Variants in CDK13 observed in about 807,000 individuals in gnomAD.
The protein encoded by CDK13 is cyclin dependent kinase 13.
In CDK13, 40 loss-of-function variants were observed where a neutral mutation model predicts 137.6. That is an observed-to-expected ratio of 0.29 (90% CI 0.23 to 0.38). CDK13 has a LOEUF of 0.38. Among genes scored for constraint, CDK13 ranks in the 10% least tolerant of loss-of-function variants. CDK13 has a pLI of 1.00. For synonymous variants in CDK13, 869 were observed against 760.1 expected, an observed-to-expected ratio of 1.14 and a Z score of -2.36; for missense variants, 1,704 against 1,951.8, an observed-to-expected ratio of 0.87 and a Z score of 2.39.
chr7:39,974,605 C>T (rs1232481687), intron 1 of CDK13, among the ~76,000 whole-genome samples: 4 of 151,468 alleles, frequency 2.6e-5, no homozygotes, highest in African/African-American at 4.8e-5. Context: ...CGCTGTGTCA[C>T]CCAGGCTGGA....
rs756393604 is a variant in CDK13 at position 40,088,109 on chromosome 7, T to A, written c.3030-17T>A. ...TAAGAAATGCCATTTACAATTTAAT[T>A]CCTTTTTTTTTTTCAGTCTCCCTTT... is the stretch of plus-strand genomic sequence containing the variant. On this transcript the variant is annotated splice_polypyrimidine_tract_variant and intron_variant, in intron 11 of 13. Transcript: ENST00000181839. The A allele has an allele frequency of 1.3e-6, 2 of 1,593,866 alleles. No homozygotes were observed. The highest frequency in any genetic ancestry group is 2.7e-5 in the African/African-American group (2 of 72,746).
chr7:40,046,113 G>C (rs1385479979), intron 6 of CDK13, 88 bp downstream of exon 6: 2 of 831,750 alleles, frequency 2.4e-6, no homozygotes, highest in Non-Finnish European at 3.8e-6. Flanking sequence ...GTAGCGGCGG[G>C]GAATGTCGGG....
Position 40,094,435 on chromosome 7 carries a change from A to G in CDK13, c.3994A>G (p.Thr1332Ala), listed in dbSNP as rs757365895. The G allele has an allele frequency of 8.7e-6, 14 of 1,613,936 alleles. No homozygotes were observed. Among genetic ancestry groups the G allele is most frequent in the Non-Finnish European group, 1.2e-5 (14 of 1,180,024 alleles). The change falls in exon 14 of 14, where the codon ACT (threonine) becomes GCT (alanine). Residue 1332 changes from threonine to alanine, a missense_variant. Thr to Ala is a moderately conservative substitution (Grantham distance 58, BLOSUM62 0). Coordinates refer to ENST00000181839, the MANE Select transcript of CDK13 (RefSeq NM_003718.5). ...DYQAGDTYVS[T>A]SDYKDNFGSS... ...TCAAGCAGGAGACACTTACGTGTCC[A>G]CTTCAGACTACAAGGACAACTTTGG... is the stretch of plus-strand genomic sequence containing the variant.
At chr7:40,037,510 C>T (rs76430871) in intron 5 of CDK13, among the ~76,000 whole-genome samples, 1 of 152,280 alleles carries the variant, frequency 6.6e-6, no homozygotes, top group East Asian at 1.9e-4. Flanking sequence ...GTAAGGTAGA[C>T]GCTGCATTGT....
intron 9 of CDK13, among the ~76,000 whole-genome samples, chr7:40,074,792 G>A (rs1266539028): frequency 6.6e-6 from 1 of 151,080 alleles, no homozygotes; most frequent in Non-Finnish European, 1.5e-5. Flanking sequence ...CTGACCTCCA[G>A]CCTGGGGTAG....
intron 1 of CDK13, among the ~76,000 whole-genome samples, chr7:39,973,788 A>G (rs1486675914): frequency 6.6e-6 from 1 of 152,166 alleles, no homozygotes; most frequent in Non-Finnish European, 1.5e-5. Context: ...GTCTAGCTTC[A>G]TTCTTTTGTG....
At chr7:40,044,659 CG>C (rs1221472678) in intron 5 of CDK13, among the ~76,000 whole-genome samples, 1 of 151,636 alleles carries the variant, frequency 6.6e-6, no homozygotes, top group Non-Finnish European at 1.5e-5. Context: ...TTTTTTGAGA[CG>C]GAGTCTCGCT....
chr7:39,999,366 G>A lies in CDK13; in HGVS notation c.2048G>A (p.Cys683Tyr). Residue 683 changes from cysteine (C) to tyrosine (Y), a missense_variant, in exon 4 of 14, where the codon TGT becomes TAT. This residue lies in a region of CDK13 where 130 missense variants were observed against 362.4 expected (regional missense o/e 0.36). Coordinates refer to ENST00000181839, the MANE Select transcript of CDK13 (RefSeq NM_003718.5). ...TTTAGAACTATATTTGATAGAATAT[G>A]TGGGCCTCGCTATGGTGAAACCAAA... is the stretch of plus-strand genomic sequence containing the variant. ...QLHSKRRPKI[C>Y]GPRYGETKEK... 1.2e-6 allele frequency: 2 copies of A among 1,608,322 alleles called. No individual in the cohort carries two copies. Among genetic ancestry groups the A allele is most frequent in the South Asian group, 2.2e-5 (2 of 89,954 alleles).
rs372192840 is a variant in CDK13, at chr7:40,063,676, G to A, written c.2780+576G>A. Among the ~76,000 whole-genome samples the A allele has an allele frequency of 4.0e-4, 61 of 151,060 alleles. 1 individual carries two copies. The South Asian group carries it at 0.012, about 31-fold the overall frequency. On this transcript the variant is annotated intron_variant, in intron 9 of 13. Transcript: ENST00000181839. ...TTTTATTTTATTATTTTATTTTTTT[G>A]AGATAGAGTCTCACTCTGTCACCTA...
rs996955136 is a variant in CDK13 at position 39,992,095 on chromosome 7, A to G, written c.1871+3837A>G. Among the ~76,000 whole-genome samples the G allele has an allele frequency of 7.1e-4, 84 of 118,074 alleles. 1 individual carries two copies. The highest frequency in any genetic ancestry group is 2.3e-3 in the East Asian group (10 of 4,258). The allele number at this position is 118,074 out of a possible 152,430, so 77.5% of individuals were successfully genotyped here. Reference sequence around the variant, plus strand: ...TACACACACACACACACACACACACACACACACACGCACACACACACACAA... The same window carrying G: ...TACACACACACACACACACACACACGCACACACACGCACACACACACACAA... On this transcript the variant is annotated intron_variant, in intron 2 of 13. Transcript: ENST00000181839.
At chr7:40,065,180 A>G (rs1786253734) in intron 9 of CDK13, among the ~76,000 whole-genome samples, 1 of 151,982 alleles carries the variant, frequency 6.6e-6, no homozygotes. Context: ...GGCATTTACA[A>G]AAGTTAGTTA....
chr7:40,004,743 TAAA>T (rs1378688274), intron 5 of CDK13, among the ~76,000 whole-genome samples: 5 of 152,100 alleles, frequency 3.3e-5, no homozygotes, highest in Non-Finnish European at 7.4e-5. Context: ...ATATAAACAT[TAAA>T]AAGCAAAAGT....
chr7:40,032,442 G>C (rs1785400588), intron 5 of CDK13, among the ~76,000 whole-genome samples: 1 of 152,142 alleles, frequency 6.6e-6, no homozygotes, highest in African/African-American at 2.4e-5. Context: ...TGTGATTTTG[G>C]TGTCTTGTAT....
chr7:40,001,507 G>A (rs1784684185), intron 4 of CDK13, among the ~76,000 whole-genome samples: 1 of 152,092 alleles, frequency 6.6e-6, no homozygotes, highest in African/African-American at 2.4e-5. Flanking sequence ...GAACTACCAC[G>A]CCTGGCCTAG....
intron 7 of CDK13, chr7:40,059,185 C>T (rs1175245117): frequency 6.6e-6 from 1 of 151,990 alleles, no homozygotes; most frequent in Non-Finnish European, 1.5e-5. Flanking sequence ...TATATCTAGA[C>T]CAGTAGGAGG....
chr7:39,977,017 A>G (rs886419970), intron 1 of CDK13, among the ~76,000 whole-genome samples: 1 of 152,216 alleles, frequency 6.6e-6, no homozygotes, highest in African/African-American at 2.4e-5. Flanking sequence ...GTTAAGAGTT[A>G]TCATAAGAAG....
At position 39,988,059 on chromosome 7, in the gene CDK13, A is replaced by G. The variant is rs778576213; in HGVS notation, c.1672A>G (p.Thr558Ala). 17 of 1,614,232 alleles carry G rather than the reference A, an allele frequency of 1.1e-5. No homozygotes were observed. The highest frequency in any genetic ancestry group is 1.4e-5 in the Non-Finnish European group (17 of 1,180,034). Residue 558 changes from threonine (T) to alanine (A), a missense_variant, in exon 2 of 14, where the codon ACC becomes GCC. Thr to Ala is a moderately conservative substitution (Grantham distance 58, BLOSUM62 0). This residue lies in a region of CDK13 where 1,051 missense variants were observed against 931.0 expected (regional missense o/e 1.13). Transcript: ENST00000181839. ...VENNLIVDKA[T>A]KKAVIVGKES... Reference sequence around the variant, plus strand: ...AAATAATTTGATTGTAGATAAAGCCACCAAGAAAGCAGTCATAGTTGGAAA... The same window carrying G: ...AAATAATTTGATTGTAGATAAAGCCGCCAAGAAAGCAGTCATAGTTGGAAA...
intron 1 of CDK13, chr7:39,952,091 T>G: frequency 2.6e-6 from 1 of 391,446 alleles, no homozygotes; most frequent in Non-Finnish European, 4.5e-6. Flanking sequence ...CAGGGAAGAT[T>G]TCTAAGGAAG....
chr7:40,011,294 A>G (rs1029412379), intron 5 of CDK13, among the ~76,000 whole-genome samples: 14 of 152,210 alleles, frequency 9.2e-5, no homozygotes, highest in African/African-American at 3.4e-4. Flanking sequence ...AGGCCGAGGC[A>G]GGAGGATCAG....
Sources: allele counts gnomAD v4.1 joint callset (sites outside exome capture counted in the v4.1 genomes callset), GRCh38; gene constraint gnomAD v4.1.1; regional missense constraint gnomAD v4.1.1; transcripts MANE v1.5; gene names NCBI Gene and HGNC (gene_info 2026-07-23, HGNC 2026-07-21).